AFG2A: variants seen among roughly 807,000 people sequenced by gnomAD.
AFG2A encodes ATPase family gene 2 protein homolog A.
the AFG2A span, among the ~76,000 whole-genome samples, chr4:123,246,244 A>G: frequency 1.3e-5 from 2 of 152,182 alleles, no homozygotes; most frequent in Non-Finnish European, 2.9e-5. Flanking sequence ...GTGCAGTTAT[A>G]CTTCAAAGAC....
At chr4:123,146,572 T>G in the AFG2A span, among the ~76,000 whole-genome samples, 3 of 152,156 alleles carry the variant, frequency 2.0e-5, no homozygotes, top group Non-Finnish European at 4.4e-5. Flanking sequence ...AAACTCAAAA[T>G]TAAGCTCTCT....
the AFG2A span, among the ~76,000 whole-genome samples, chr4:123,228,995 T>C: frequency 2.6e-5 from 4 of 151,976 alleles, no homozygotes; most frequent in Non-Finnish European, 4.4e-5. Flanking sequence ...TCTTTATCCT[T>C]ATGGAGCTTA....
chr4:123,162,318 A>AT, the AFG2A span, among the ~76,000 whole-genome samples: 33 of 152,266 alleles, frequency 2.2e-4, no homozygotes, highest in African/African-American at 8.0e-4. Context: ...TTAACTCCAT[A>AT]TAACAGAACC....
the AFG2A span, among the ~76,000 whole-genome samples, chr4:123,293,566 G>C: frequency 6.6e-6 from 1 of 152,156 alleles, no homozygotes; most frequent in Non-Finnish European, 1.5e-5. Context: ...GTCTACAAGG[G>C]ATCCAGTGAT....
the AFG2A span, among the ~76,000 whole-genome samples, chr4:123,305,975 G>A: frequency 6.6e-6 from 1 of 152,138 alleles, no homozygotes; most frequent in African/African-American, 2.4e-5. Context: ...AGGTTCAATG[G>A]TCAAGAGCCT....
chr4:123,289,889 A>T, the AFG2A span, among the ~76,000 whole-genome samples: 26 of 151,870 alleles, frequency 1.7e-4, no homozygotes, highest in African/African-American at 6.3e-4. Context: ...TCCAGGGTAC[A>T]TGTACATGTT....
chr4:123,126,976 T>G, the AFG2A span, among the ~76,000 whole-genome samples: 1 of 152,116 alleles, frequency 6.6e-6, no homozygotes, highest in Non-Finnish European at 1.5e-5. Context: ...ATCCCAACAT[T>G]TTGGGAGCCT....
the AFG2A span, among the ~76,000 whole-genome samples, chr4:123,293,425 C>G: frequency 6.6e-6 from 1 of 152,136 alleles, no homozygotes; most frequent in South Asian, 2.1e-4. Context: ...AGGGTGCTCC[C>G]TTGATATGGT....
the AFG2A span, among the ~76,000 whole-genome samples, chr4:122,964,590 A>T: frequency 6.6e-6 from 1 of 152,088 alleles, no homozygotes; most frequent in African/African-American, 2.4e-5. Flanking sequence ...ACATTCCCTT[A>T]TTTCACAGAT....
chr4:123,297,187 CAAT>C, the AFG2A span, among the ~76,000 whole-genome samples: 1 of 152,114 alleles, frequency 6.6e-6, no homozygotes, highest in African/African-American at 2.4e-5. Context: ...CTTTCTTTGC[CAAT>C]AGATTTAACA....
the AFG2A span, among the ~76,000 whole-genome samples, chr4:123,160,018 TTTGTTGTTG>T: frequency 2.1e-4 from 32 of 151,672 alleles, no homozygotes; most frequent in African/African-American, 5.3e-4. Context: ...ATCTTGTCTT[TTTGTTGTTG>T]TTGTTGTTGT....
chr4:123,069,626 A>G, the AFG2A span, among the ~76,000 whole-genome samples: 1 of 152,214 alleles, frequency 6.6e-6, no homozygotes. Context: ...ACAGAATCTT[A>G]CAGTATGTTG....
chr4:123,313,450 TG>T, the AFG2A span, among the ~76,000 whole-genome samples: 2 of 152,260 alleles, frequency 1.3e-5, no homozygotes, highest in Non-Finnish European at 2.9e-5. Context: ...GGTGTGTTGA[TG>T]AGCAAGGCCT....
At chr4:123,209,230 G>A in the AFG2A span, among the ~76,000 whole-genome samples, 12 of 152,078 alleles carry the variant, frequency 7.9e-5, no homozygotes, top group Non-Finnish European at 1.6e-4. Context: ...TGTTGCTGTC[G>A]GGTGTCAGTC....
chr4:123,142,063 A>G, the AFG2A span, among the ~76,000 whole-genome samples: 10 of 152,132 alleles, frequency 6.6e-5, no homozygotes, highest in Admixed American at 1.3e-4. Context: ...TATAGACACA[A>G]CTGGGACAGC....
chr4:122,967,340 A>G, the AFG2A span, among the ~76,000 whole-genome samples: 3 of 152,102 alleles, frequency 2.0e-5, no homozygotes, highest in Non-Finnish European at 2.9e-5. Flanking sequence ...TTGAGGCTGC[A>G]GTCAGCTATG....
At chr4:123,003,054 C>G in the AFG2A span, among the ~76,000 whole-genome samples, 775 of 152,240 alleles carry the variant, frequency 5.1e-3, 9 homozygotes, top group African/African-American at 0.017. Flanking sequence ...TTTCATTCAT[C>G]TCATCTTCCA....
chr4:122,930,611 A>G, the AFG2A span, among the ~76,000 whole-genome samples: 1 of 152,184 alleles, frequency 6.6e-6, no homozygotes, highest in African/African-American at 2.4e-5. Flanking sequence ...TATTGCATGT[A>G]TGTATACACA....
chr4:122,923,362 A>T, the AFG2A span: 1 of 1,604,506 alleles, frequency 6.2e-7, no homozygotes, highest in Non-Finnish European at 8.5e-7. Context: ...GAGGGGCGGG[A>T]GACTCAGTGA....
Sources: allele counts gnomAD v4.1 joint callset (sites outside exome capture counted in the v4.1 genomes callset), GRCh38; gene constraint gnomAD v4.1.1; transcripts MANE v1.5; gene names NCBI Gene and HGNC (gene_info 2026-07-23, HGNC 2026-07-21).